Variants in MOB1B observed in about 807,000 individuals in gnomAD.
The protein encoded by MOB1B is MOB1 Mps One Binder homolog B.
A neutral mutation model predicts 24.4 loss-of-function variants in MOB1B; 19 were observed. The observed-to-expected ratio is 0.78, with a 90% CI of 0.54 to 1.14. MOB1B has a LOEUF of 1.14. Among genes scored for constraint, MOB1B ranks in the 50% most tolerant of loss-of-function variants. The pLI, the probability that MOB1B is intolerant of heterozygous loss-of-function variation, is 0.00. For missense variants in MOB1B, 243 were observed against 259.6 expected (o/e 0.94, Z 0.44); for synonymous variants, 76 against 82.1 (o/e 0.93, Z 0.40).
At chr4:70,956,472 C>T (rs1738058524) in intron 1 of MOB1B, among the ~76,000 whole-genome samples, 1 of 151,800 alleles carries the variant, frequency 6.6e-6, no homozygotes, top group African/African-American at 2.4e-5. Flanking sequence ...GCTCTATCAC[C>T]CAGGCTGGAA....
intron 1 of MOB1B, among the ~76,000 whole-genome samples, chr4:70,911,594 A>G (rs552686272): frequency 2.6e-5 from 4 of 152,162 alleles, no homozygotes; most frequent in Non-Finnish European, 5.9e-5. Context: ...TTTACATACT[A>G]GAGTGCAAAA....
intron 1 of MOB1B, among the ~76,000 whole-genome samples, chr4:70,905,050 C>T (rs1037591961): frequency 1.3e-5 from 2 of 152,116 alleles, no homozygotes. Flanking sequence ...TTGATATATT[C>T]TCAACATATT....
chr4:70,977,408 TG>T (rs987144100), intron 4 of MOB1B, among the ~76,000 whole-genome samples: 5 of 152,204 alleles, frequency 3.3e-5, no homozygotes, highest in African/African-American at 1.2e-4. Context: ...GGCAATATGA[TG>T]ACATTGAACC....
rs1480418127 is a variant in MOB1B at position 70,958,914 on chromosome 4, A to T, written c.55A>T (p.Ile19Phe). The T allele has an allele frequency of 6.2e-7, 1 of 1,613,648 alleles. No homozygotes were observed. Among genetic ancestry groups the T allele is most frequent in the African/African-American group, 1.3e-5 (1 of 75,012 alleles). ...TAAAACTTTTAAACCAAAGAAGAAC[A>T]TTCCAGAGGGTTCTCACCAGTATGA... ...SSKTFKPKKN[I>F]PEGSHQYELL... Residue 19 changes from isoleucine to phenylalanine, a missense_variant, in exon 2 of 6, where the codon ATT becomes TTT. Ile to Phe is a conservative substitution (Grantham distance 21, BLOSUM62 0). Transcript: ENST00000309395.
rs1432230809 is a variant in MOB1B at position 70,986,020 on chromosome 4, G to A, written c.*3963G>A. ...TTGAAGTGGAAATTATCACTTGGAT[G>A]TGGAGGTTTTACTTTTTAAAAACAT... On this transcript the variant is annotated 3_prime_UTR_variant, in exon 6 of 6. Transcript: ENST00000309395. 2.0e-5 allele frequency: 3 copies of A among 152,192 alleles called. No individual in the cohort carries two copies. The highest frequency in any genetic ancestry group is 4.4e-5 in the Non-Finnish European group (3 of 68,038). The allele number at this position is 152,192 out of a possible 1,614,324, so 9.4% of individuals were successfully genotyped here.
chr4:70,940,917 C>T (rs906934030), intron 1 of MOB1B, among the ~76,000 whole-genome samples: 2 of 152,154 alleles, frequency 1.3e-5, no homozygotes, highest in Non-Finnish European at 2.9e-5. Flanking sequence ...AGGTGATCCG[C>T]CCGCCTCGGC....
chr4:70,967,243 C>T (rs1007079813), intron 2 of MOB1B, among the ~76,000 whole-genome samples: 2 of 152,108 alleles, frequency 1.3e-5, no homozygotes, highest in Non-Finnish European at 1.5e-5. Flanking sequence ...AAGCAGTTCC[C>T]CTGTCTCAGC....
intron 1 of MOB1B, among the ~76,000 whole-genome samples, chr4:70,928,073 C>A (rs1383047317): frequency 6.6e-6 from 1 of 152,130 alleles, no homozygotes; most frequent in Non-Finnish European, 1.5e-5. Context: ...TTTTCCCTGG[C>A]CTGTGCCCCC....
intron 4 of MOB1B, chr4:70,975,712 G>A: frequency 1.0e-6 from 1 of 978,138 alleles, no homozygotes; most frequent in Non-Finnish European, 1.2e-6. Context: ...TAAGGGAAAG[G>A]CTTAAGAAGC....
intron 1 of MOB1B, among the ~76,000 whole-genome samples, chr4:70,929,751 T>G (rs1471963928): frequency 6.6e-6 from 1 of 151,962 alleles, no homozygotes; most frequent in African/African-American, 2.4e-5. Flanking sequence ...GTTTACGCCA[T>G]TCTCCTGCCT....
At chr4:70,916,247 A>G (rs1294110502) in intron 1 of MOB1B, among the ~76,000 whole-genome samples, 1 of 152,090 alleles carries the variant, frequency 6.6e-6, no homozygotes, top group Non-Finnish European at 1.5e-5. Context: ...CTCAGTTACC[A>G]TTATTTTGGG....
At chr4:70,908,279 C>A (rs920755095) in intron 1 of MOB1B, among the ~76,000 whole-genome samples, 1 of 149,384 alleles carries the variant, frequency 6.7e-6, no homozygotes, top group African/African-American at 2.5e-5. Flanking sequence ...CCGCCTGCCT[C>A]GGCCTCCCAA....
chr4:70,963,043 TGAAA>T (rs1738367230), intron 2 of MOB1B, among the ~76,000 whole-genome samples: 2 of 151,988 alleles, frequency 1.3e-5, no homozygotes, highest in East Asian at 3.9e-4. Context: ...TTCTGCTCTG[TGAAA>T]GACATTGTAA....
chr4:70,926,750 T>A (rs1330453286), intron 1 of MOB1B, among the ~76,000 whole-genome samples: 3 of 152,176 alleles, frequency 2.0e-5, no homozygotes, highest in Non-Finnish European at 4.4e-5. Context: ...CTCACGCCTG[T>A]AATCCCAGCA....
chr4:70,914,445 A>G (rs562798702), intron 1 of MOB1B, among the ~76,000 whole-genome samples: 2 of 152,254 alleles, frequency 1.3e-5, no homozygotes, highest in African/African-American at 4.8e-5. Flanking sequence ...AGTCCAGGAG[A>G]TAGACATTTA....
chr4:70,972,884 C>T (rs886535798), intron 3 of MOB1B, among the ~76,000 whole-genome samples: 1 of 152,174 alleles, frequency 6.6e-6, no homozygotes, highest in African/African-American at 2.4e-5. Context: ...CACCATTCTC[C>T]TGCCTCAGCC....
At chr4:70,911,726 A>G (rs1255411103) in intron 1 of MOB1B, among the ~76,000 whole-genome samples, 1 of 152,168 alleles carries the variant, frequency 6.6e-6, no homozygotes. Flanking sequence ...GCACTTCCCT[A>G]AACTGTGTAT....
At chr4:70,973,412 G>A (rs1446841971) in intron 3 of MOB1B, among the ~76,000 whole-genome samples, 1 of 149,456 alleles carries the variant, frequency 6.7e-6, no homozygotes, top group Non-Finnish European at 1.5e-5. Flanking sequence ...CAAGGGTGCG[G>A]TGAGCTATGC....
chr4:70,962,873 G>A (rs998272406), intron 2 of MOB1B, among the ~76,000 whole-genome samples: 1 of 151,942 alleles, frequency 6.6e-6, no homozygotes, highest in African/African-American at 2.4e-5. Context: ...GCATGGTGGT[G>A]TATCCCTGTA....
Sources: allele counts gnomAD v4.1 joint callset (sites outside exome capture counted in the v4.1 genomes callset), GRCh38; gene constraint gnomAD v4.1.1; transcripts MANE v1.5; gene names NCBI Gene and HGNC (gene_info 2026-07-23, HGNC 2026-07-21).